The following BRAF variants were observed in gnomAD, a reference collection of about 807,000 sequenced individuals.
The protein encoded by BRAF is B-Raf proto-oncogene, serine/threonine kinase.
A neutral mutation model predicts 104.6 loss-of-function variants in BRAF; 16 were observed. That is an observed-to-expected ratio of 0.15 (90% CI 0.10 to 0.23). The LOEUF is 0.23. BRAF is among the 10% of genes least tolerant of loss of function. The probability of loss-of-function intolerance (pLI) is 1.00; values close to 1 mark genes in which losing one functional copy is unlikely to be tolerated. For synonymous variants in BRAF, 310 were observed against 341.6 expected (o/e 0.91, Z 1.02); for missense variants, 541 against 937.3 (o/e 0.58, Z 5.52).
intron 1 of BRAF, among the ~76,000 whole-genome samples, chr7:140,864,837 T>C (rs1810770412): frequency 1.3e-5 from 2 of 152,066 alleles, no homozygotes; most frequent in African/African-American, 4.8e-5. Flanking sequence ...AGAAGAATGA[T>C]ATGGAAGACA....
At chr7:140,759,901 T>A (rs1798529834) in intron 14 of BRAF, among the ~76,000 whole-genome samples, 1 of 152,172 alleles carries the variant, frequency 6.6e-6, no homozygotes, top group Admixed American at 6.5e-5. Context: ...AAACTTAGCA[T>A]TTCTAAAAGG....
chr7:140,787,162 G>T (rs866648411), intron 9 of BRAF, among the ~76,000 whole-genome samples: 1 of 151,740 alleles, frequency 6.6e-6, no homozygotes, highest in Non-Finnish European at 1.5e-5. Context: ...TTAGCCGGGC[G>T]TGGTAGCAGG....
At chr7:140,865,385 A>G (rs1183949736) in intron 1 of BRAF, among the ~76,000 whole-genome samples, 1 of 152,130 alleles carries the variant, frequency 6.6e-6, no homozygotes, top group Non-Finnish European at 1.5e-5. Context: ...CAGCCAGCAA[A>G]CGCATTTTTA....
chr7:140,910,614 C>G (rs1052759857), intron 1 of BRAF, among the ~76,000 whole-genome samples: 2 of 152,160 alleles, frequency 1.3e-5, no homozygotes, highest in Admixed American at 6.5e-5. Context: ...ATCCCCAGTT[C>G]TCAGACCAGT....
chr7:140,853,346 T>G (rs957044113), intron 1 of BRAF, among the ~76,000 whole-genome samples: 2 of 152,000 alleles, frequency 1.3e-5, no homozygotes, highest in Admixed American at 6.6e-5. Flanking sequence ...CACCCCAACC[T>G]AGGCAACAGA....
At chr7:140,889,757 A>G (rs1177374600) in intron 1 of BRAF, among the ~76,000 whole-genome samples, 1 of 152,248 alleles carries the variant, frequency 6.6e-6, no homozygotes, top group Non-Finnish European at 1.5e-5. Context: ...GTCAAAAGTC[A>G]GTGAGGATGC....
At chr7:140,888,062 C>T (rs970838735) in intron 1 of BRAF, among the ~76,000 whole-genome samples, 47 of 152,162 alleles carry the variant, frequency 3.1e-4, no homozygotes, top group African/African-American at 1.0e-3. Flanking sequence ...TTAATAGAGA[C>T]GGGGTTTCAC....
chr7:140,753,976 A>G (rs1797997904), intron 15 of BRAF: 2 of 594,522 alleles, frequency 3.4e-6, no homozygotes, highest in Non-Finnish European at 3.0e-6. Context: ...AAGACTTCTG[A>G]TAGATTTTCT....
intron 3 of BRAF, among the ~76,000 whole-genome samples, chr7:140,828,125 AC>A (rs988003109): frequency 6.6e-6 from 1 of 152,006 alleles, no homozygotes; most frequent in Non-Finnish European, 1.5e-5. Context: ...AGAACTCCTG[AC>A]CTCAGGTGAT....
chr7:140,883,488 A>G (rs930869927), intron 1 of BRAF, among the ~76,000 whole-genome samples: 4 of 152,338 alleles, frequency 2.6e-5, no homozygotes, highest in Middle Eastern at 6.8e-3. Context: ...AATGTGAGGC[A>G]CTGCTGTAGT....
At chr7:140,726,621 T>C (rs1795612548) in intron 19 of BRAF, 1 of 1,032,328 alleles carries the variant, frequency 9.7e-7, no homozygotes, top group African/African-American at 1.6e-5. Flanking sequence ...TAGTTATATA[T>C]TTCAAGTCTA....
intron 1 of BRAF, among the ~76,000 whole-genome samples, chr7:140,919,959 C>A (rs1266661665): frequency 6.6e-6 from 1 of 152,152 alleles, no homozygotes; most frequent in Non-Finnish European, 1.5e-5. Context: ...GCTCCCATCT[C>A]AGCTTCCCAA....
chr7:140,826,868 C>T (rs886352006), intron 3 of BRAF, among the ~76,000 whole-genome samples: 4 of 152,136 alleles, frequency 2.6e-5, no homozygotes, highest in Admixed American at 6.5e-5. Context: ...TTAAAAATTT[C>T]CCAAGTCCCA....
chr7:140,806,750 C>A (rs1562969031), intron 5 of BRAF, among the ~76,000 whole-genome samples: 1 of 152,112 alleles, frequency 6.6e-6, no homozygotes, highest in Admixed American at 6.6e-5. Context: ...ATTTGCTGCA[C>A]AGTAAAATTT....
chr7:140,906,087 C>CAAAAAAAAAAAAAAAAAACAAAAA (rs1816284076), intron 1 of BRAF, among the ~76,000 whole-genome samples: 1 of 44,714 alleles, frequency 2.2e-5, no homozygotes, highest in African/African-American at 1.0e-4. Context: ...GACTCCGTCT[C>CAAAAAAAAAAAAAAAAAACAAAAA]AAAAAAAAAA....
Position 140,721,427 on chromosome 7 carries a change from A to C in BRAF, c.*5067T>G, listed in dbSNP as rs1481493415. On this transcript the variant is annotated 3_prime_UTR_variant, in exon 20 of 20. Coordinates refer to ENST00000644969, the MANE Select transcript of BRAF (RefSeq NM_001374258.1). ...CACAATTAACAAAAATTAGAATTGA[A>C]TTTCAATTTAAATGTCTTTGCCCAA... 7 of 1,252,106 alleles carry C rather than the reference A, an allele frequency of 5.6e-6. No homozygotes were observed. The highest frequency in any genetic ancestry group is 4.6e-5 in the African/African-American group (3 of 64,708). The allele number at this position is 1,252,106 out of a possible 1,614,324, so 77.6% of individuals were successfully genotyped here.
chr7:140,733,200 T>A (rs937584626), intron 19 of BRAF: 7 of 152,154 alleles, frequency 4.6e-5, no homozygotes, highest in Non-Finnish European at 1.0e-4. Flanking sequence ...ATAAAGAAAA[T>A]GTTTCAAAAA....
Position 140,850,320 on chromosome 7 carries a change from T to C in BRAF, c.139-108A>G, listed in dbSNP as rs575459939. On this transcript the variant is annotated intron_variant, in intron 1 of 19. Transcript: ENST00000644969. Reference sequence around the variant, plus strand: ...AGTAACTGCCAGTGTTCCTCAAATTTTGAGCTTAGAGATCATTTAGTACAG... The same window carrying C: ...AGTAACTGCCAGTGTTCCTCAAATTCTGAGCTTAGAGATCATTTAGTACAG... 309 of 879,096 alleles carry C rather than the reference T, an allele frequency of 3.5e-4. 3 individuals carry two copies. In the South Asian group the frequency reaches 4.7e-3, roughly 13 times the overall value. 54.5% of individuals were successfully genotyped at this position (879,096 alleles called of 1,614,324 possible).
At chr7:140,857,412 G>A (rs10280479) in intron 1 of BRAF, among the ~76,000 whole-genome samples, 4,211 of 152,174 alleles carry the variant, frequency 0.028, 203 homozygotes, top group African/African-American at 0.094. Context: ...CTGGATTTCC[G>A]ACCTCCAGAA....
Sources: gnomAD v4.1 joint callset for allele counts (sites outside exome capture counted in the v4.1 genomes callset) on GRCh38, gnomAD v4.1.1 for gene constraint, MANE v1.5 for transcripts, NCBI Gene and HGNC (gene_info 2026-07-23, HGNC 2026-07-21) for gene names.